The following SCNN1D variants were observed in gnomAD, a reference collection of about 807,000 sequenced individuals.
SCNN1D encodes sodium channel epithelial 1 subunit delta.
In SCNN1D, 104 loss-of-function variants were observed where a neutral mutation model predicts 87.8. The ratio of observed to expected loss-of-function variants is 1.18; its 90% CI spans 1.01 to 1.39. The LOEUF (loss-of-function observed/expected upper bound fraction) is 1.39. Among genes scored for constraint, SCNN1D ranks in the 40% most tolerant of loss-of-function variants. SCNN1D has a pLI of 0.00. For synonymous variants in SCNN1D, 628 were observed against 481.2 expected (o/e 1.31, Z -3.99); for missense variants, 1,324 against 1,093.9 (o/e 1.21, Z -2.97).
chr1:1,282,461 C>T (rs1031695660), intron 4 of SCNN1D, 146 bp downstream of exon 4: 25 of 921,858 alleles, frequency 2.7e-5, no homozygotes, highest in Non-Finnish European at 3.5e-5. Context: ...GGGCCCGGCT[C>T]GGGTCTGGTC....
rs1344027918 is a variant in SCNN1D, at chr1:1,290,708, G to A, written c.1917+14G>A. 6 of 1,612,430 alleles carry A rather than the reference G, an allele frequency of 3.7e-6. No individual in the cohort carries two copies. Among genetic ancestry groups the A allele is most frequent in the Admixed American group, 3.3e-5 (2 of 60,008 alleles). ...GCCAAGTCAGCTGTGAGTCCCCAAA[G>A]TGGTGGGGTGGGGGTGTGGACAGCC... On this transcript the variant is annotated intron_variant, in intron 15 of 17. Coordinates refer to ENST00000379116, the MANE Select transcript of SCNN1D (RefSeq NM_001130413.4).
intron 5 of SCNN1D, 89 bp from the exon 6 acceptor site, chr1:1,285,482 C>A: frequency 1.1e-6 from 1 of 878,080 alleles, no homozygotes; most frequent in Non-Finnish European, 1.7e-6. Context: ...GTGGGTGCAG[C>A]CATCAGGGGC....
Position 1,284,019 on chromosome 1 carries a change from C to A in SCNN1D, c.393C>A (p.Pro131=). Reference sequence around the variant, plus strand: ...TCCTGCTTCAGAGCTGCCAGCTGCCCCCGCAATGGCTGAGCACCGAAGCAT... The same window carrying A: ...TCCTGCTTCAGAGCTGCCAGCTGCCACCGCAATGGCTGAGCACCGAAGCAT... The part of the protein sequence containing the change: ...GSILLQSCQL[P]PQWLSTEAWT... The change falls in exon 5 of 18, where the codon CCC becomes CCA. Residue 131 remains proline (P), a synonymous_variant. Transcript: ENST00000379116. The A allele has an allele frequency of 1.4e-6, 2 of 1,435,502 alleles. No homozygotes were observed. Among genetic ancestry groups the A allele is most frequent in the Non-Finnish European group, 1.8e-6 (2 of 1,102,072 alleles). The allele number at this position is 1,435,502 out of a possible 1,614,324, so 88.9% of individuals were successfully genotyped here.
intron 12 of SCNN1D, among the ~76,000 whole-genome samples, chr1:1,288,725 G>T (rs1640693718): frequency 6.5e-5 from 1 of 15,286 alleles, no homozygotes; most frequent in Non-Finnish European, 9.6e-5. Flanking sequence ...TCCGTCCCGT[G>T]TCTCTGCTCC....
intron 9 of SCNN1D, 23 bp downstream of exon 9, chr1:1,287,322 A>C: frequency 6.5e-7 from 1 of 1,545,024 alleles, no homozygotes; most frequent in East Asian, 2.3e-5. Context: ...GGCGGGGGCC[A>C]CTCCTTCCGT....
At chr1:1,281,164 G>C in intron 1 of SCNN1D, 62 bp from the exon 2 acceptor site, 1 of 1,456,178 alleles carries the variant, frequency 6.9e-7, no homozygotes, top group Non-Finnish European at 9.2e-7. Flanking sequence ...GGAGGAAACG[G>C]GGCTCTGGGA....
Position 1,290,536 on chromosome 1 carries a change from C to G in SCNN1D, c.1840C>G (p.Arg614Gly), listed in dbSNP as rs754503985. ...GACCCACCGGCTCCCCTGTACCTCC[C>G]GCTGCCCCAGGCCCTGCAGGTGAGA... Reference protein sequence around the residue: ...LETHRLPCTSRCPRPCRESAF... With the variant: ...LETHRLPCTSGCPRPCRESAF... The change falls in exon 14 of 18, where the codon CGC (arginine) becomes GGC (glycine). Residue 614 changes from arginine (R) to glycine (G), a missense_variant. Coordinates refer to ENST00000379116, the MANE Select transcript of SCNN1D (RefSeq NM_001130413.4). 6.2e-7 allele frequency: 1 copy of G among 1,612,728 alleles called. No homozygotes were observed. Among genetic ancestry groups the G allele is most frequent in the Non-Finnish European group, 8.5e-7 (1 of 1,179,930 alleles).
chr1:1,288,278 CGA>C (rs1491325942), intron 12 of SCNN1D, among the ~76,000 whole-genome samples: 18 of 68,194 alleles, frequency 2.6e-4, no homozygotes, highest in Admixed American at 3.4e-4. Context: ...CTCCGTCCCC[CGA>C]GTCTCTGCTC....
At chr1:1,284,375 T>TG (rs1640541325) in intron 5 of SCNN1D, among the ~76,000 whole-genome samples, 1 of 116,224 alleles carries the variant, frequency 8.6e-6, no homozygotes. Flanking sequence ...GGGGCTGGGT[T>TG]GGGGGGTCTC....
intron 5 of SCNN1D, among the ~76,000 whole-genome samples, chr1:1,284,738 G>C (rs1339669588): frequency 1.3e-5 from 2 of 152,082 alleles, no homozygotes; most frequent in Non-Finnish European, 2.9e-5. Flanking sequence ...GCATCCCGTG[G>C]GTTGGCCACA....
rs1232822281 is a variant in SCNN1D at position 1,286,073 on chromosome 1, G to A, written c.706G>A (p.Ala236Thr). Residue 236 changes from alanine to threonine, a missense_variant, in exon 7 of 18, where the codon GCC becomes ACC. Physicochemically the swap from Ala to Thr is moderately conservative, Grantham distance 58 (BLOSUM62 0). Coordinates refer to ENST00000379116, the MANE Select transcript of SCNN1D (RefSeq NM_001130413.4). The stretch of plus-strand genomic sequence containing the variant: ...CTGCACCAATGCCACCATCCACGGC[G>A]CCATCCGCCTGGTCTGCTCCCGCGG... Reference protein sequence around the residue: ...FFCTNATIHGAIRLVCSRGNR... With the variant: ...FFCTNATIHGTIRLVCSRGNR... 8.7e-6 allele frequency: 14 copies of A among 1,601,420 alleles called. No individual in the cohort carries two copies. Among genetic ancestry groups the A allele is most frequent in the East Asian group, 4.5e-5 (2 of 44,388 alleles).
Position 1,291,110 on chromosome 1 carries a change from C to G in SCNN1D, c.2022C>G (p.Tyr674Ter). ...KINIVYQELN[Y>*]RSVEEAPVYS... ...ACATCGTCTACCAGGAGCTCAACTA[C>G]CGCTCAGTGGAGGAGGCGCCCGTGT... The change falls in exon 17 of 18, where the codon TAC becomes TAG. Residue 674 changes from tyrosine to a stop codon, truncating the protein, a stop_gained. Coordinates refer to ENST00000379116, the MANE Select transcript of SCNN1D (RefSeq NM_001130413.4). LOFTEE classifies it low-confidence loss of function (END_TRUNC). 1 of 1,612,378 alleles carries G rather than the reference C, an allele frequency of 6.2e-7. No individual in the cohort carries two copies. The highest frequency in any genetic ancestry group is 8.5e-7 in the Non-Finnish European group (1 of 1,179,814).
rs778977376 is a variant in SCNN1D, at chr1:1,287,613, G to A, written c.1399+17G>A. On this transcript the variant is annotated intron_variant, in intron 10 of 17. Coordinates refer to ENST00000379116, the MANE Select transcript of SCNN1D (RefSeq NM_001130413.4). ...TCACCCACGGTGGGTGCCAGCCCCT[G>A]GCCGGTGCGGGGGCAGGGGTGCAGG... 3 of 1,608,664 alleles carry A rather than the reference G, an allele frequency of 1.9e-6. No individual in the cohort carries two copies. The highest frequency in any genetic ancestry group is 2.5e-6 in the Non-Finnish European group (3 of 1,177,172).
intron 9 of SCNN1D, 103 bp downstream of exon 9, chr1:1,287,402 G>T: frequency 6.7e-7 from 1 of 1,489,836 alleles, no homozygotes; most frequent in Non-Finnish European, 9.0e-7. Flanking sequence ...CCCAAGGCTG[G>T]CCGGAGGAAC....
At position 1,288,055 on chromosome 1, in the gene SCNN1D, G is replaced by A; in HGVS notation, c.1662+18G>A. ...CCAGGCAGGTGAGGCTGGGCTGGCAGGGGGTGCGGGGGCAGGTGAGGCTGG... is the reference window on the plus strand; with the variant it reads ...CCAGGCAGGTGAGGCTGGGCTGGCAAGGGGTGCGGGGGCAGGTGAGGCTGG... On this transcript the variant is annotated intron_variant, in intron 12 of 17. Transcript: ENST00000379116. The A allele has an allele frequency of 2.0e-6, 3 of 1,504,506 alleles. No homozygotes were observed. Among genetic ancestry groups the A allele is most frequent in the Non-Finnish European group, 2.7e-6 (3 of 1,118,638 alleles). 93.2% of individuals were successfully genotyped at this position (1,504,506 alleles called of 1,614,324 possible).
Position 1,290,501 on chromosome 1 carries a change from A to G in SCNN1D, c.1805A>G (p.Gln602Arg), listed in dbSNP as rs1193496729. The G allele has an allele frequency of 6.2e-7, 1 of 1,612,504 alleles. No homozygotes were observed. Among genetic ancestry groups the G allele is most frequent in the Admixed American group, 1.7e-5 (1 of 59,984 alleles). Reference protein sequence around the residue: ...AWGHCFYRLYQDLETHRLPCT... With the variant: ...AWGHCFYRLYRDLETHRLPCT... ...GGACACTGCTTCTACCGCCTCTACC[A>G]GGACCTGGAGACCCACCGGCTCCCC... Residue 602 changes from glutamine to arginine, a missense_variant, in exon 14 of 18, where the codon CAG (glutamine) becomes CGG (arginine). By Grantham distance (43) the Gln-to-Arg change is conservative. Coordinates refer to ENST00000379116, the MANE Select transcript of SCNN1D (RefSeq NM_001130413.4).
In SCNN1D at chr1:1,286,852, C is replaced by T; in HGVS notation, c.996C>T (p.Ser332=). ...NIDSLYNVNL[S]KGRAALSATV... is the part of the protein sequence containing the mutation. The stretch of plus-strand genomic sequence containing the variant: ...ACTCCCTGTACAACGTCAACCTCAG[C>T]AAAGGCAGAGCCGCCCTCTCCGCCA... The change falls in exon 8 of 18, where the codon AGC becomes AGT. Residue 332 remains serine, a synonymous_variant. Coordinates refer to ENST00000379116, the MANE Select transcript of SCNN1D (RefSeq NM_001130413.4). 1.2e-6 allele frequency: 2 copies of T among 1,612,692 alleles called. No individual in the cohort carries two copies. Among genetic ancestry groups the T allele is most frequent in the Non-Finnish European group, 1.7e-6 (2 of 1,179,918 alleles).
intron 3 of SCNN1D, 102 bp downstream of exon 3, chr1:1,281,712 T>C: frequency 9.2e-7 from 1 of 1,086,314 alleles, no homozygotes; most frequent in Non-Finnish European, 1.3e-6. Context: ...ACTGAGGCCC[T>C]GCAGGGCATA....
chr1:1,290,901 A>G lies in SCNN1D; in HGVS notation c.1924A>G (p.Thr642Ala), dbSNP rs780925540. 1.2e-6 allele frequency: 2 copies of G among 1,609,620 alleles called. No individual in the cohort carries two copies. The highest frequency in any genetic ancestry group is 2.7e-5 in the African/African-American group (2 of 74,794). The change falls in exon 16 of 18, where the codon ACT becomes GCT. Residue 642 changes from threonine to alanine, a missense_variant. By Grantham distance (58) the Thr-to-Ala change is moderately conservative. Transcript: ENST00000379116. ...GCAAACCTTCCGTCTGCAGGGATGG[A>G]CTCTGGCCACGCTAGGTGAACAGGG... ...RWPSAKSAGW[T>A]LATLGEQGLP... is the part of the protein sequence containing the mutation.
Sources: allele counts gnomAD v4.1 joint callset (sites outside exome capture counted in the v4.1 genomes callset), GRCh38; gene constraint gnomAD v4.1.1; transcripts MANE v1.5; gene names NCBI Gene and HGNC (gene_info 2026-07-23, HGNC 2026-07-21).